AHRR: variants seen among roughly 807,000 people sequenced by gnomAD.
AHRR encodes aryl hydrocarbon receptor repressor.
Under a neutral mutation model 44.0 loss-of-function variants are expected in AHRR, and 28 were observed. The ratio of observed to expected loss-of-function variants is 0.64; its 90% CI spans 0.47 to 0.87. AHRR has a LOEUF of 0.87. Ranked by LOEUF, AHRR falls within the 40% of genes least tolerant of loss-of-function variation. The pLI, the probability that AHRR is intolerant of heterozygous loss-of-function variation, is 0.00. For synonymous variants in AHRR, 434 were observed against 407.0 expected, an observed-to-expected ratio of 1.07 and a Z score of -0.80; for missense variants, 990 against 953.9, an observed-to-expected ratio of 1.04 and a Z score of -0.50.
intron 4 of AHRR, among the ~76,000 whole-genome samples, chr5:391,389 A>AGGGCGAGGC (rs1734433743): frequency 2.5e-5 from 2 of 80,646 alleles, no homozygotes; most frequent in African/African-American, 1.9e-4. Context: ...CAGGGCGAGG[A>AGGGCGAGGC]GGGCGCAGGG....
chr5:364,835 TA>T (rs537892753), intron 3 of AHRR, among the ~76,000 whole-genome samples: 388 of 152,136 alleles, frequency 2.6e-3, no homozygotes, highest in African/African-American at 8.9e-3. Context: ...CTGAAGGAAA[TA>T]TGATGAATCT....
intron 2 of AHRR, 27 bp downstream of exon 2, chr5:343,991 T>C (rs1742467430): frequency 2.5e-6 from 4 of 1,587,942 alleles, no homozygotes; most frequent in Non-Finnish European, 3.4e-6. Context: ...TCTGCTTGTG[T>C]GGGTTGTTGC....
At chr5:353,259 G>C (rs1742922297) in intron 2 of AHRR, among the ~76,000 whole-genome samples, 1 of 152,198 alleles carries the variant, frequency 6.6e-6, no homozygotes, top group Admixed American at 6.5e-5. Context: ...GCTGATGCCA[G>C]GAGGACCTTT....
chr5:324,693 G>A (rs6863356), intron 1 of AHRR, among the ~76,000 whole-genome samples: 14,996 of 152,176 alleles, frequency 0.099, 2,372 homozygotes, highest in African/African-American at 0.33. Context: ...AGAGGCTGAG[G>A]CAGGAGAATT....
At chr5:367,666 G>A in intron 3 of AHRR, 1 of 595,896 alleles carries the variant, frequency 1.7e-6, no homozygotes, top group South Asian at 2.0e-5. Flanking sequence ...CACCCCTCAG[G>A]AGGCCTTCCC....
At chr5:381,963 TC>T (rs1421411761) in intron 4 of AHRR, among the ~76,000 whole-genome samples, 1 of 152,258 alleles carries the variant, frequency 6.6e-6, no homozygotes, top group Non-Finnish European at 1.5e-5. Context: ...TGGTTTTTCT[TC>T]TTTAGACTGT....
At chr5:386,111 T>A (rs1734160973) in intron 4 of AHRR, among the ~76,000 whole-genome samples, 1 of 152,256 alleles carries the variant, frequency 6.6e-6, no homozygotes, top group African/African-American at 2.4e-5. Context: ...TTTTTTTAAA[T>A]TTCAAGAGTC....
At position 406,277 on chromosome 5, in the gene AHRR, C is replaced by T. The variant is rs1313650336; in HGVS notation, c.352-7067C>T. ...TGTGAGCCGCCTCTTGTCTGCATTT[C>T]TTGCAGGAACATGGAGGGACCGGAA... On this transcript the variant is annotated intron_variant, in intron 4 of 10. Transcript: ENST00000684583. This position sits in a 1 kb window ranked among gnomAD's most constrained non-coding sequence, Gnocchi z 4.7. Among the ~76,000 whole-genome samples the T allele has an allele frequency of 2.0e-5, 3 of 152,196 alleles. No individual in the cohort carries two copies. The highest frequency in any genetic ancestry group is 7.2e-5 in the African/African-American group (3 of 41,454).
At chr5:328,850 ACT>A (rs1343843386) in intron 1 of AHRR, among the ~76,000 whole-genome samples, 1 of 151,422 alleles carries the variant, frequency 6.6e-6, no homozygotes, top group Non-Finnish European at 1.5e-5. Context: ...TTATATTGTC[ACT>A]CTGTTTATTA....
In AHRR at chr5:340,664, T is replaced by TTATATA. The variant is rs201426173; in HGVS notation, c.-10-3209_-10-3204dup. 5.6e-4 allele frequency among the ~76,000 whole-genome samples: 18 copies of TTATATA among 31,952 alleles called. 1 individual carries two copies. The highest frequency in any genetic ancestry group is 2.9e-3 in the East Asian group (4 of 1,380). 21.0% of individuals were successfully genotyped at this position (31,952 alleles called of 152,430 possible). On this transcript the variant is annotated intron_variant, in intron 1 of 10. Transcript: ENST00000684583. ...GGACGCAATTATGTTCACAGCAATATTATATATATATATATATATATATAT... is the reference window on the plus strand; with the variant it reads ...GGACGCAATTATGTTCACAGCAATATTATATATATATATATATATATATATATATAT...
intron 2 of AHRR, among the ~76,000 whole-genome samples, chr5:353,173 T>C (rs1742919062): frequency 6.6e-6 from 1 of 152,126 alleles, no homozygotes; most frequent in Admixed American, 6.5e-5. Flanking sequence ...CTGGTCTCAT[T>C]TGCCCTGGGT....
intron 8 of AHRR, 158 bp from the exon 9 acceptor site, chr5:432,305 T>G: frequency 4.4e-6 from 3 of 676,902 alleles, no homozygotes; most frequent in Non-Finnish European, 7.5e-6. Context: ...TTCCACACTA[T>G]AAAGAATTAA....
At chr5:324,799 A>G (rs968080632) in intron 1 of AHRR, among the ~76,000 whole-genome samples, 9 of 152,160 alleles carry the variant, frequency 5.9e-5, no homozygotes, top group African/African-American at 2.2e-4. Flanking sequence ...CAAAAAAACA[A>G]AAACAAAAAA....
intron 3 of AHRR, among the ~76,000 whole-genome samples, chr5:367,596 C>A (rs570705343): frequency 2.1e-4 from 32 of 152,176 alleles, no homozygotes; most frequent in Non-Finnish European, 2.1e-4. Flanking sequence ...GGGCGGCATC[C>A]GAGGCTCAGC....
intron 5 of AHRR, chr5:421,118 G>C (rs1368721224): frequency 1.3e-5 from 7 of 552,182 alleles, no homozygotes; most frequent in African/African-American, 2.0e-5. Context: ...AGCGGCTGGA[G>C]CGTTCGCGCC....
intron 4 of AHRR, among the ~76,000 whole-genome samples, chr5:399,676 G>A (rs1320044297): frequency 2.0e-5 from 3 of 152,186 alleles, no homozygotes; most frequent in South Asian, 2.1e-4. Flanking sequence ...CGGAGGCGGC[G>A]TCAGCACTGG....
chr5:423,701 G>A, intron 6 of AHRR, 140 bp from the exon 7 acceptor site: 1 of 1,189,542 alleles, frequency 8.4e-7, no homozygotes, highest in East Asian at 2.6e-5. Context: ...GACATCTAGA[G>A]GGATGCTGGG....
At chr5:424,535 T>G (rs887912549) in intron 7 of AHRR, among the ~76,000 whole-genome samples, 1 of 151,628 alleles carries the variant, frequency 6.6e-6, no homozygotes, top group Non-Finnish European at 1.5e-5. Flanking sequence ...CCTCTGGGCA[T>G]GCGTGATGAG....
chr5:379,873 A>G (rs1733912695), intron 4 of AHRR, among the ~76,000 whole-genome samples: 1 of 152,144 alleles, frequency 6.6e-6, no homozygotes, highest in Non-Finnish European at 1.5e-5. Flanking sequence ...CTCTTTTTGT[A>G]GATTGATTTT....
Sources: allele counts gnomAD v4.1 joint callset (sites outside exome capture counted in the v4.1 genomes callset), GRCh38; gene constraint gnomAD v4.1.1; non-coding constraint Gnocchi (gnomAD v3.1); transcripts MANE v1.5; gene names NCBI Gene and HGNC (gene_info 2026-07-23, HGNC 2026-07-21).